Variants in CAMTA1 observed in about 807,000 individuals in gnomAD.
CAMTA1 encodes the protein calmodulin-binding transcription activator 1.
CAMTA1 carries 27 observed loss-of-function variants against 170.9 expected under a neutral mutation model. The observed-to-expected ratio is 0.16, with a 90% CI of 0.12 to 0.22. The LOEUF (loss-of-function observed/expected upper bound fraction) is 0.22, where lower values mean the gene tolerates loss of function less well. CAMTA1 is among the 10% of genes least tolerant of loss of function. The pLI is 1.00. For missense variants in CAMTA1, 1,619 were observed against 2,217.2 expected, an observed-to-expected ratio of 0.73 and a Z score of 5.42; for synonymous variants, 833 against 891.5, an observed-to-expected ratio of 0.93 and a Z score of 1.17.
At chr1:7,204,724 T>C (rs1558244207) in intron 4 of CAMTA1, among the ~76,000 whole-genome samples, 2 of 151,794 alleles carry the variant, frequency 1.3e-5, no homozygotes, top group Non-Finnish European at 2.9e-5. Context: ...TATCTAGTTG[T>C]TCTATCTATT....
chr1:7,272,845 C>T (rs962167545), intron 5 of CAMTA1, among the ~76,000 whole-genome samples: 2 of 151,850 alleles, frequency 1.3e-5, no homozygotes, highest in African/African-American at 2.4e-5. Flanking sequence ...GGGAATAAAT[C>T]TAGTGACTTT....
rs1237898144 is a variant in CAMTA1 at position 7,246,694 on chromosome 1, A to G, written c.303-2797A>G. On this transcript the variant is annotated intron_variant, in intron 4 of 22. Transcript: ENST00000303635. ...GCTTTTTTTTTTTTTTTTTTTTTTGACATGCTTTGTGCCCCAGGCCAGAGT... is the reference window on the plus strand; with the variant it reads ...GCTTTTTTTTTTTTTTTTTTTTTTGGCATGCTTTGTGCCCCAGGCCAGAGT... 3.4e-4 allele frequency among the ~76,000 whole-genome samples: 5 copies of G among 14,554 alleles called. 1 individual carries two copies. The highest frequency in any genetic ancestry group is 1.9e-3 in the African/African-American group (5 of 2,610). 9.5% of individuals were successfully genotyped at this position (14,554 alleles called of 152,430 possible).
chr1:7,380,350 G>A (rs2087191675), intron 5 of CAMTA1, among the ~76,000 whole-genome samples: 1 of 152,148 alleles, frequency 6.6e-6, no homozygotes, highest in African/African-American at 2.4e-5. Context: ...TGAGGCAGGT[G>A]AATCACCTGT....
chr1:6,813,116 G>T (rs2148369402), intron 1 of CAMTA1, among the ~76,000 whole-genome samples: 1 of 152,252 alleles, frequency 6.6e-6, no homozygotes, highest in South Asian at 2.1e-4. Context: ...GCACTTAATG[G>T]CATATTTTAA....
chr1:7,464,262 C>T (rs929598107), intron 5 of CAMTA1, among the ~76,000 whole-genome samples: 4 of 152,264 alleles, frequency 2.6e-5, no homozygotes, highest in Middle Eastern at 3.4e-3. Context: ...ACCTCACACG[C>T]GGATTTATCC....
intron 3 of CAMTA1, among the ~76,000 whole-genome samples, chr1:6,976,248 G>A (rs538026157): frequency 3.3e-5 from 5 of 152,332 alleles, no homozygotes; most frequent in African/African-American, 9.6e-5. Flanking sequence ...AGCCGGAGAA[G>A]TGTGACTGCA....
At chr1:7,707,462 A>G (rs2096535519) in intron 11 of CAMTA1, among the ~76,000 whole-genome samples, 1 of 151,718 alleles carries the variant, frequency 6.6e-6, no homozygotes, top group African/African-American at 2.4e-5. Context: ...TGCAGCCTCC[A>G]CCTCCCGGGC....
intron 11 of CAMTA1, among the ~76,000 whole-genome samples, chr1:7,697,069 C>A (rs977411667): frequency 3.9e-5 from 6 of 152,180 alleles, no homozygotes; most frequent in Admixed American, 6.5e-5. Flanking sequence ...ATTACTCAAT[C>A]TGCCTAGGGC....
At chr1:7,566,326 G>A (rs1378716769) in intron 6 of CAMTA1, among the ~76,000 whole-genome samples, 1 of 152,152 alleles carries the variant, frequency 6.6e-6, no homozygotes, top group African/African-American at 2.4e-5. Context: ...GATGATTAAG[G>A]TTATTTTTAA....
intron 3 of CAMTA1, among the ~76,000 whole-genome samples, chr1:6,897,373 A>C (rs574495286): frequency 1.3e-5 from 2 of 152,324 alleles, no homozygotes; most frequent in East Asian, 3.9e-4. Flanking sequence ...GTTTAGGGTC[A>C]GTGTGGGGCG....
rs144736926 is a variant in CAMTA1, at chr1:7,732,543, G to A, written c.3010G>A (p.Gly1004Arg). 8.3e-5 allele frequency: 134 copies of A among 1,613,478 alleles called. No homozygotes were observed. In the African/African-American group the frequency reaches 1.4e-3, roughly 16 times the overall value. The change falls in exon 12 of 23, where the codon GGA becomes AGA. Residue 1004 changes from glycine to arginine, a missense_variant. Coordinates refer to ENST00000303635, the MANE Select transcript of CAMTA1 (RefSeq NM_015215.4). This position sits in a 1 kb window ranked among gnomAD's most constrained non-coding sequence, Gnocchi z 4.1. ...GTCCCAGCAGCACAAACAGGCGAGC[G>A]GAGGCGGCAGCAGTGGAGGCGGCAG... ...TGSQQHKQAS[G>R]GGSSGGGSGS...
intron 6 of CAMTA1, among the ~76,000 whole-genome samples, chr1:7,598,945 G>T (rs11585184): frequency 0.21 from 31,408 of 151,720 alleles, 4,436 homozygotes; most frequent in African/African-American, 0.4. Flanking sequence ...TTAGTTTAAT[G>T]AGATCCCATT....
At chr1:7,643,812 G>C (rs1174269151) in intron 7 of CAMTA1, among the ~76,000 whole-genome samples, 1 of 152,222 alleles carries the variant, frequency 6.6e-6, no homozygotes, top group African/African-American at 2.4e-5. Context: ...CACAGCCCGA[G>C]AAACAGCCCT....
rs1310923737 is a variant in CAMTA1 at position 7,482,727 on chromosome 1, G to T, written c.510+14826G>T. 6.6e-6 allele frequency among the ~76,000 whole-genome samples: 1 copy of T among 152,202 alleles called. No individual in the cohort carries two copies. Among genetic ancestry groups the T allele is most frequent in the African/African-American group, 2.4e-5 (1 of 41,458 alleles). On this transcript the variant is annotated intron_variant, in intron 6 of 22. Transcript: ENST00000303635. This position sits in a 1 kb window ranked among gnomAD's most constrained non-coding sequence, Gnocchi z 4.2. ...TTGCTAAAAGGTTTCTTAGTTTGGA[G>T]ACCAAGTTCTCAGAAAAACACTGTC...
At chr1:7,530,406 G>A (rs1378496265) in intron 6 of CAMTA1, among the ~76,000 whole-genome samples, 1 of 152,160 alleles carries the variant, frequency 6.6e-6, no homozygotes, top group Non-Finnish European at 1.5e-5. Context: ...GAGGCAGAGC[G>A]GCACTCTGGT....
chr1:7,755,604 TA>T, intron 21 of CAMTA1, 33 bp from the exon 22 acceptor site: 1 of 1,580,640 alleles, frequency 6.3e-7, no homozygotes, highest in Non-Finnish European at 8.7e-7. Flanking sequence ...CCTCATGTGC[TA>T]ATAGCTCTCT....
chr1:7,154,479 G>A (rs1183303820), intron 4 of CAMTA1, among the ~76,000 whole-genome samples: 1 of 152,100 alleles, frequency 6.6e-6, no homozygotes, highest in Non-Finnish European at 1.5e-5. Flanking sequence ...CCCATCTCTG[G>A]GCACTTAGAT....
chr1:6,954,929 T>C lies in CAMTA1; in HGVS notation c.234+129719T>C, dbSNP rs563185835. 2.6e-5 allele frequency among the ~76,000 whole-genome samples: 4 copies of C among 152,292 alleles called. No individual in the cohort carries two copies. In the East Asian group the frequency reaches 7.7e-4, roughly 29 times the overall value. ...AAGACCACCCTGACCTTTCTCAGCA[T>C]GTGCCTGTTTTCCAGGTCACCGTTT... On this transcript the variant is annotated intron_variant, in intron 3 of 22. Transcript: ENST00000303635.
rs991028655 is a variant in CAMTA1 at position 7,223,856 on chromosome 1, T to G, written c.303-25635T>G. On this transcript the variant is annotated intron_variant, in intron 4 of 22. Transcript: ENST00000303635. ...AGCGAGATTCCTTTTAATCTCAAAT[T>G]TTATTTTATTAGATGTATTTACATG... Among the ~76,000 whole-genome samples, 3 of 152,280 alleles carry G rather than the reference T, an allele frequency of 2.0e-5. No individual in the cohort carries two copies. The East Asian group carries it at 5.8e-4, about 29-fold the overall frequency.
Sources: allele counts gnomAD v4.1 joint callset (sites outside exome capture counted in the v4.1 genomes callset), GRCh38; gene constraint gnomAD v4.1.1; non-coding constraint Gnocchi (gnomAD v3.1); transcripts MANE v1.5; gene names NCBI Gene and HGNC (gene_info 2026-07-23, HGNC 2026-07-21).